The following PTPRT variants were observed in gnomAD, a reference collection of about 807,000 sequenced individuals.
PTPRT encodes receptor-type tyrosine-protein phosphatase T.
A neutral mutation model predicts 176.8 loss-of-function variants in PTPRT; 56 were observed. That is an observed-to-expected ratio of 0.32 (90% CI 0.26 to 0.40). The LOEUF (loss-of-function observed/expected upper bound fraction) is 0.40, where lower values mean the gene tolerates loss of function less well. PTPRT is among the 10% of genes least tolerant of loss of function. PTPRT has a pLI of 1.00. For missense variants in PTPRT, 1,540 were observed against 1,908.2 expected, an observed-to-expected ratio of 0.81 and a Z score of 3.60; for synonymous variants, 783 against 739.0, an observed-to-expected ratio of 1.06 and a Z score of -0.96.
At chr20:42,714,664 A>G (rs987878597) in intron 6 of PTPRT, among the ~76,000 whole-genome samples, 1 of 152,224 alleles carries the variant, frequency 6.6e-6, no homozygotes, top group African/African-American at 2.4e-5. Context: ...GATCATTGAT[A>G]GCGAAGAAAT....
intron 1 of PTPRT, among the ~76,000 whole-genome samples, chr20:42,900,375 G>A (rs2079381786): frequency 1.3e-5 from 2 of 152,178 alleles, no homozygotes; most frequent in South Asian, 4.1e-4. Flanking sequence ...CCCTGATGGT[G>A]AGCAGGCAGA....
intron 9 of PTPRT, among the ~76,000 whole-genome samples, chr20:42,359,253 G>A (rs567705063): frequency 6.6e-6 from 1 of 152,268 alleles, no homozygotes; most frequent in African/African-American, 2.4e-5. Flanking sequence ...ACAACACCGG[G>A]GTCCCTTTGG....
intron 17 of PTPRT, among the ~76,000 whole-genome samples, chr20:42,154,217 C>A (rs910235050): frequency 1.3e-5 from 2 of 152,142 alleles, no homozygotes; most frequent in Non-Finnish European, 2.9e-5. Context: ...TCTGGGGTTG[C>A]CTGTGGTGGG....
chr20:42,417,543 C>T (rs1192439304), intron 9 of PTPRT, among the ~76,000 whole-genome samples: 1 of 151,472 alleles, frequency 6.6e-6, no homozygotes, highest in Non-Finnish European at 1.5e-5. Flanking sequence ...GGAGAGTAAT[C>T]TCCCTGGAAT....
chr20:42,090,279 T>C (rs1423279931), intron 27 of PTPRT, among the ~76,000 whole-genome samples: 2 of 151,734 alleles, frequency 1.3e-5, no homozygotes, highest in Non-Finnish European at 2.9e-5. Context: ...AAAATTTCTC[T>C]TTAGGATAAT....
At chr20:42,206,451 G>A (rs1403062003) in intron 15 of PTPRT, among the ~76,000 whole-genome samples, 3 of 152,352 alleles carry the variant, frequency 2.0e-5, no homozygotes, top group South Asian at 2.1e-4. Flanking sequence ...GAAGCAGGGC[G>A]AGGCATTGCC....
chr20:42,350,224 T>TTTTG (rs1555830517), intron 11 of PTPRT, among the ~76,000 whole-genome samples: 1 of 25,618 alleles, frequency 3.9e-5, no homozygotes, highest in African/African-American at 1.2e-4. Context: ...GTTTTTTTTT[T>TTTTG]TTTTTTTTTT....
intron 1 of PTPRT, among the ~76,000 whole-genome samples, chr20:43,019,033 T>G (rs1985514015): frequency 6.6e-6 from 1 of 152,216 alleles, no homozygotes; most frequent in Non-Finnish European, 1.5e-5. Context: ...ACAACATTGT[T>G]TGAAAAAAAG....
chr20:42,307,214 G>C (rs771744674), intron 12 of PTPRT, among the ~76,000 whole-genome samples: 3 of 152,192 alleles, frequency 2.0e-5, no homozygotes, highest in Non-Finnish European at 2.9e-5. Flanking sequence ...CCAGTGGAAT[G>C]TGAAAATGCT....
At chr20:42,530,344 G>A (rs1312917238) in intron 7 of PTPRT, among the ~76,000 whole-genome samples, 2 of 152,174 alleles carry the variant, frequency 1.3e-5, no homozygotes, top group Admixed American at 6.5e-5. Context: ...CTGCATGCCC[G>A]CTGCATGCCA....
At chr20:42,521,160 T>C (rs1398140532) in intron 7 of PTPRT, among the ~76,000 whole-genome samples, 1 of 152,140 alleles carries the variant, frequency 6.6e-6, no homozygotes, top group African/African-American at 2.4e-5. Flanking sequence ...CATTCTGATA[T>C]TTCTGATTCC....
intron 23 of PTPRT, among the ~76,000 whole-genome samples, chr20:42,109,127 T>G (rs1038137963): frequency 4.6e-5 from 7 of 151,916 alleles, no homozygotes; most frequent in Non-Finnish European, 1.0e-4. Context: ...GAAATGGGGT[T>G]GTGTAGCTAC....
rs183761696 is a variant in PTPRT, at chr20:42,558,599, T to C, written c.1154-86037A>G. Among the ~76,000 whole-genome samples the C allele has an allele frequency of 2.2e-3, 331 of 152,250 alleles. 1 individual carries two copies. The highest frequency in any genetic ancestry group is 7.6e-3 in the African/African-American group (317 of 41,548). On this transcript the variant is annotated intron_variant, in intron 7 of 30. Coordinates refer to ENST00000373187, the MANE Select transcript of PTPRT (RefSeq NM_007050.6). The stretch of plus-strand genomic sequence containing the variant: ...TGTGTATTATTAGCCCAGTCACTGC[T>C]GATCTTGACAAACCCATAAAGAAGA...
chr20:42,980,953 G>T (rs1026796410), intron 1 of PTPRT, among the ~76,000 whole-genome samples: 1 of 152,072 alleles, frequency 6.6e-6, no homozygotes. Flanking sequence ...CGGAAGAGTG[G>T]GAGCCCAACT....
intron 6 of PTPRT, among the ~76,000 whole-genome samples, chr20:42,724,654 T>C (rs1416460596): frequency 6.6e-6 from 1 of 152,210 alleles, no homozygotes; most frequent in African/African-American, 2.4e-5. Context: ...TCTTCATGCC[T>C]AGACATGGTA....
At chr20:42,332,278 C>T (rs973322750) in intron 11 of PTPRT, among the ~76,000 whole-genome samples, 1 of 152,028 alleles carries the variant, frequency 6.6e-6, no homozygotes, top group African/African-American at 2.4e-5. Flanking sequence ...GGCGTAATCT[C>T]GGCTCACTGC....
intron 1 of PTPRT, among the ~76,000 whole-genome samples, chr20:43,064,834 T>C (rs1987619934): frequency 6.6e-6 from 1 of 152,178 alleles, no homozygotes; most frequent in African/African-American, 2.4e-5. Flanking sequence ...TAATGGAAAG[T>C]GTCAAGATCC....
At chr20:43,093,632 G>C (rs2011980449) in intron 1 of PTPRT, among the ~76,000 whole-genome samples, 1 of 152,178 alleles carries the variant, frequency 6.6e-6, no homozygotes, top group Non-Finnish European at 1.5e-5. Context: ...AGAGCAGCCA[G>C]AGTGATCCTC....
chr20:43,146,185 C>A lies in PTPRT; in HGVS notation c.88+43461G>T, dbSNP rs367741038. 3.3e-5 allele frequency among the ~76,000 whole-genome samples: 5 copies of A among 152,214 alleles called. No individual in the cohort carries two copies. In the South Asian group the frequency reaches 8.3e-4, roughly 25 times the overall value. ...ATTTTTCTTGAGATTACAACATAAT[C>A]CCCACTGACACACTAAATATTACCT... On this transcript the variant is annotated intron_variant, in intron 1 of 30. Coordinates refer to ENST00000373187, the MANE Select transcript of PTPRT (RefSeq NM_007050.6).
Sources: allele counts gnomAD v4.1 joint callset (sites outside exome capture counted in the v4.1 genomes callset), GRCh38; gene constraint gnomAD v4.1.1; transcripts MANE v1.5; gene names NCBI Gene and HGNC (gene_info 2026-07-23, HGNC 2026-07-21).